RORA: variants seen among roughly 807,000 people sequenced by gnomAD.
The protein encoded by RORA is RAR related orphan receptor A, also known as nuclear receptor ROR-alpha.
Under a neutral mutation model 69.5 loss-of-function variants are expected in RORA, and 7 were observed. The observed-to-expected ratio is 0.10, with a 90% CI of 0.06 to 0.19. The LOEUF is 0.19. RORA is among the 10% of genes least tolerant of loss of function. The pLI, the probability that RORA is intolerant of heterozygous loss-of-function variation, is 1.00. For synonymous variants in RORA, 261 were observed against 240.8 expected (o/e 1.08, Z -0.78); for missense variants, 457 against 663.0 (o/e 0.69, Z 3.41).
chr15:61,162,612 T>C (rs1160649237), intron 1 of RORA, among the ~76,000 whole-genome samples: 1 of 152,148 alleles, frequency 6.6e-6, no homozygotes, highest in Non-Finnish European at 1.5e-5. Flanking sequence ...AATAGAATTC[T>C]AGATCTGGCT....
chr15:60,908,034 C>T (rs1381722087), intron 1 of RORA, among the ~76,000 whole-genome samples: 5 of 152,188 alleles, frequency 3.3e-5, no homozygotes, highest in Admixed American at 6.5e-5. Context: ...ATGCTCGGAA[C>T]GTCCCGCCTC....
chr15:60,827,841 C>T (rs781434254), intron 1 of RORA, among the ~76,000 whole-genome samples: 60 of 152,206 alleles, frequency 3.9e-4, no homozygotes, highest in Admixed American at 2.2e-3. Flanking sequence ...TTATAGCAGT[C>T]AGGACCATTA....
chr15:60,859,797 T>C (rs2073419903), intron 1 of RORA, among the ~76,000 whole-genome samples: 1 of 151,972 alleles, frequency 6.6e-6, no homozygotes, highest in South Asian at 2.1e-4. Flanking sequence ...TAATCAATAT[T>C]TGTGGAATTT....
chr15:60,706,995 T>G (rs1567163649), intron 1 of RORA, among the ~76,000 whole-genome samples: 3 of 152,202 alleles, frequency 2.0e-5, no homozygotes, highest in South Asian at 4.1e-4. Flanking sequence ...TGATAGTGGT[T>G]TTACAAGAGA....
intron 1 of RORA, among the ~76,000 whole-genome samples, chr15:60,860,121 T>C (rs1347083527): frequency 6.6e-6 from 1 of 152,184 alleles, no homozygotes; most frequent in Non-Finnish European, 1.5e-5. Context: ...TCTCGAGGTT[T>C]CAAGCTTTGT....
At chr15:60,637,195 C>T (rs1488486862) in intron 2 of RORA, among the ~76,000 whole-genome samples, 1 of 152,048 alleles carries the variant, frequency 6.6e-6, no homozygotes, top group Non-Finnish European at 1.5e-5. Context: ...ATATTAATGT[C>T]TTTCTGAAAC....
chr15:61,218,194 T>A (rs1002209908), intron 1 of RORA, among the ~76,000 whole-genome samples: 14 of 152,200 alleles, frequency 9.2e-5, no homozygotes, highest in South Asian at 4.1e-4. Context: ...TGTGTGTGTG[T>A]GTGTGTGTGT....
intron 2 of RORA, among the ~76,000 whole-genome samples, chr15:60,655,699 G>A (rs554068850): frequency 3.6e-4 from 54 of 152,068 alleles, no homozygotes; most frequent in African/African-American, 1.3e-3. Context: ...GTTCATTTTC[G>A]TCGGATTTTA....
At chr15:60,921,327 G>A (rs574984982) in intron 1 of RORA, among the ~76,000 whole-genome samples, 20 of 152,226 alleles carry the variant, frequency 1.3e-4, no homozygotes, top group Non-Finnish European at 2.2e-4. Context: ...CATTTCTACC[G>A]TGGAACACTA....
intron 2 of RORA, among the ~76,000 whole-genome samples, chr15:60,664,853 G>T (rs1286905039): frequency 6.6e-6 from 1 of 152,186 alleles, no homozygotes; most frequent in Non-Finnish European, 1.5e-5. Flanking sequence ...TGATACTGCA[G>T]GGGATAATTT....
At chr15:60,921,106 A>C (rs1261418423) in intron 1 of RORA, among the ~76,000 whole-genome samples, 1 of 152,204 alleles carries the variant, frequency 6.6e-6, no homozygotes, top group African/African-American at 2.4e-5. Flanking sequence ...TGTAGAGACA[A>C]ATGGGTGATA....
chr15:60,520,180 GCGAT>G (rs2141382132), intron 3 of RORA: 2 of 152,274 alleles, frequency 1.3e-5, no homozygotes, highest in East Asian at 3.9e-4. Flanking sequence ...AACCAGAAAG[GCGAT>G]CTTTCTTTTG....
rs1444603978 is a variant in RORA at position 60,491,792 on chromosome 15, A to G, written c.*5663T>C. The G allele has an allele frequency of 6.6e-6, 1 of 152,154 alleles. No individual in the cohort carries two copies. The highest frequency in any genetic ancestry group is 2.4e-5 in the African/African-American group (1 of 41,446). The allele number at this position is 152,154 out of a possible 1,614,324, so 9.4% of individuals were successfully genotyped here. ...TAGTCAGTCTTCTCATCTCTTAAAA[A>G]TAAATAGCAATAGGAAGGTCTCTAT... On this transcript the variant is annotated 3_prime_UTR_variant, in exon 11 of 11. Transcript: ENST00000335670.
At chr15:61,199,613 G>A (rs905635747) in intron 1 of RORA, among the ~76,000 whole-genome samples, 3 of 152,148 alleles carry the variant, frequency 2.0e-5, no homozygotes, top group African/African-American at 7.2e-5. Context: ...TTTTCTCCAT[G>A]CAAAGCCATT....
rs188536734 is a variant in RORA, at chr15:60,927,646, C to T, written c.167-248960G>A. Among the ~76,000 whole-genome samples, 513 of 152,160 alleles carry T rather than the reference C, an allele frequency of 3.4e-3. 3 individuals are homozygous for T. Among genetic ancestry groups the T allele is most frequent in the Non-Finnish European group, 6.2e-3 (419 of 68,008 alleles). ...AAAATTAGCTGGGTGTGGTGGTGCA[C>T]ATCTGTAATCCCAGCTACTGGGAAG... On this transcript the variant is annotated intron_variant, in intron 1 of 10. Coordinates refer to ENST00000335670, the MANE Select transcript of RORA (RefSeq NM_134261.3).
intron 1 of RORA, among the ~76,000 whole-genome samples, chr15:60,942,395 C>G (rs1243651207): frequency 6.6e-6 from 1 of 152,166 alleles, no homozygotes; most frequent in Non-Finnish European, 1.5e-5. Flanking sequence ...GTCAAATTGT[C>G]AAACCAGAAC....
At chr15:60,939,672 A>G (rs762230590) in intron 1 of RORA, among the ~76,000 whole-genome samples, 41 of 152,230 alleles carry the variant, frequency 2.7e-4, no homozygotes, top group Non-Finnish European at 4.6e-4. Context: ...ATGGTGAATT[A>G]TAACAGGGGG....
chr15:60,522,544 C>T (rs755850458), intron 3 of RORA, among the ~76,000 whole-genome samples: 8 of 151,970 alleles, frequency 5.3e-5, no homozygotes, highest in Non-Finnish European at 1.0e-4. Flanking sequence ...GAGGCTGAGG[C>T]AGGAGGATCA....
intron 1 of RORA, among the ~76,000 whole-genome samples, chr15:60,811,446 A>G (rs1208729706): frequency 2.6e-5 from 4 of 152,096 alleles, no homozygotes; most frequent in African/African-American, 9.7e-5. Context: ...TCTATTCTCC[A>G]CTATTCTTTT....
Sources: allele counts gnomAD v4.1 joint callset (sites outside exome capture counted in the v4.1 genomes callset), GRCh38; gene constraint gnomAD v4.1.1; transcripts MANE v1.5; gene names NCBI Gene and HGNC (gene_info 2026-07-23, HGNC 2026-07-21).